Variants in ADAM23 observed in about 807,000 individuals in gnomAD.
ADAM23 encodes the protein ADAM metallopeptidase domain 23.
A neutral mutation model predicts 120.1 loss-of-function variants in ADAM23; 33 were observed. The ratio of observed to expected loss-of-function variants is 0.27; its 90% CI spans 0.21 to 0.37. The LOEUF is 0.37. ADAM23 is among the 10% of genes least tolerant of loss of function. The pLI is 1.00. For synonymous variants in ADAM23, 367 were observed against 375.2 expected, an observed-to-expected ratio of 0.98 and a Z score of 0.25; for missense variants, 862 against 1,058.2, an observed-to-expected ratio of 0.81 and a Z score of 2.57.
intron 20 of ADAM23, 123 bp downstream of exon 20, chr2:206,588,277 G>A: frequency 9.7e-7 from 1 of 1,029,434 alleles, no homozygotes; most frequent in East Asian, 2.6e-5. Context: ...ATCTAGAAAG[G>A]ATGAGAATAA....
At chr2:206,502,469 ATCGAC>A (rs1171713629) in intron 3 of ADAM23, among the ~76,000 whole-genome samples, 1 of 152,098 alleles carries the variant, frequency 6.6e-6, no homozygotes, top group Non-Finnish European at 1.5e-5. Flanking sequence ...GTATTTTTCC[ATCGAC>A]TTTGAAGAAC....
chr2:206,602,438 A>G (rs947845179), intron 24 of ADAM23, among the ~76,000 whole-genome samples: 7 of 152,180 alleles, frequency 4.6e-5, no homozygotes, highest in African/African-American at 7.2e-5. Context: ...CTACATACCA[A>G]TATTATACAC....
At chr2:206,483,569 A>T (rs1196178385) in intron 3 of ADAM23, among the ~76,000 whole-genome samples, 2 of 152,140 alleles carry the variant, frequency 1.3e-5, no homozygotes, top group Non-Finnish European at 2.9e-5. Flanking sequence ...AAGAGGAGGC[A>T]CCCATGAAGG....
At chr2:206,543,981 A>G (rs1290496106) in intron 6 of ADAM23, among the ~76,000 whole-genome samples, 2 of 152,230 alleles carry the variant, frequency 1.3e-5, no homozygotes, top group Non-Finnish European at 1.5e-5. Context: ...GGCTCGGGAA[A>G]GTGGAAGGTG....
At chr2:206,466,837 C>T (rs1322474003) in intron 2 of ADAM23, among the ~76,000 whole-genome samples, 2 of 152,196 alleles carry the variant, frequency 1.3e-5, no homozygotes, top group Non-Finnish European at 2.9e-5. Flanking sequence ...GCAGGCTATA[C>T]AGGAGGCATG....
In ADAM23 at chr2:206,548,294, T is replaced by A. The variant is rs1271332254; in HGVS notation, c.807T>A (p.Gly269=). ...KQMKNLTMER[G]DQWPFLSELQ... is the part of the protein sequence containing the mutation. ...TCCTTTCTGCAGCTATGGAAAGAGG[T>A]GACCAGTGGCCCTTTCTCTCTGAAT... Residue 269 remains glycine (G), a synonymous_variant, in exon 8 of 26, where the codon GGT becomes GGA. Transcript: ENST00000264377. 9 of 1,612,410 alleles carry A rather than the reference T, an allele frequency of 5.6e-6. No individual in the cohort carries two copies. Among genetic ancestry groups the A allele is most frequent in the Non-Finnish European group, 7.6e-6 (9 of 1,179,928 alleles).
At chr2:206,535,313 G>T (rs1015698511) in intron 4 of ADAM23, among the ~76,000 whole-genome samples, 1 of 152,196 alleles carries the variant, frequency 6.6e-6, no homozygotes, top group African/African-American at 2.4e-5. Flanking sequence ...AACAAGTGCT[G>T]TCGAGATTGT....
intron 24 of ADAM23, among the ~76,000 whole-genome samples, chr2:206,604,723 A>T (rs1698699552): frequency 6.6e-6 from 1 of 152,164 alleles, no homozygotes; most frequent in Admixed American, 6.5e-5. Context: ...ATTTAGCTAA[A>T]AATGTCAGTG....
At chr2:206,445,251 G>A in intron 1 of ADAM23, 56 bp from the exon 2 acceptor site, 1 of 1,241,744 alleles carries the variant, frequency 8.1e-7, no homozygotes, top group Non-Finnish European at 1.2e-6. Context: ...GGGTAAATAT[G>A]TGTGTGTTTG....
intron 4 of ADAM23, among the ~76,000 whole-genome samples, chr2:206,533,562 C>G (rs1697114899): frequency 6.6e-6 from 1 of 152,146 alleles, no homozygotes; most frequent in South Asian, 2.1e-4. Context: ...CACATGTAGA[C>G]ACACAATATT....
At chr2:206,597,455 C>T (rs971707495) in intron 24 of ADAM23, among the ~76,000 whole-genome samples, 10 of 151,988 alleles carry the variant, frequency 6.6e-5, no homozygotes, top group African/African-American at 7.3e-5. Context: ...TGTGAGCTAC[C>T]GCGCCTGGCC....
At chr2:206,580,969 C>T (rs1252621912) in intron 18 of ADAM23, among the ~76,000 whole-genome samples, 2 of 152,048 alleles carry the variant, frequency 1.3e-5, no homozygotes, top group South Asian at 2.1e-4. Context: ...AGGAATTTAT[C>T]CATCCCTTCT....
chr2:206,480,331 G>A (rs570344446), intron 2 of ADAM23, among the ~76,000 whole-genome samples: 2 of 152,242 alleles, frequency 1.3e-5, no homozygotes, highest in African/African-American at 4.8e-5. Flanking sequence ...TCATGCTGGT[G>A]TCCAGTTACC....
Position 206,530,917 on chromosome 2 carries a change from A to G in ADAM23, c.542A>G (p.His181Arg), listed in dbSNP as rs753424210. Residue 181 changes from histidine to arginine, a missense_variant, in exon 4 of 26, where the codon CAC becomes CGC. His to Arg is a conservative substitution (Grantham distance 29). Around this residue, in one of 4 missense-constraint regions of ADAM23, gnomAD observed 617 missense variants for 813.5 expected, o/e 0.76. Coordinates refer to ENST00000264377, the MANE Select transcript of ADAM23 (RefSeq NM_003812.4). ...TTGTCTTCTGATTATGTGGAGATTC[A>G]CTACGAAAATGGGAAACCACAGTAC... ...GLLSSDYVEI[H>R]YENGKPQYSK... 8.7e-6 allele frequency: 14 copies of G among 1,613,880 alleles called. No homozygotes were observed. The highest frequency in any genetic ancestry group is 5.1e-6 in the Non-Finnish European group (6 of 1,179,932).
rs371902917 is a variant in ADAM23, at chr2:206,588,055, A to C, written c.1789-36A>C. ...TAAAAACATTGGGGAAGACAAACTG[A>C]CTCTGTGTGCCTCACATGTGTGCTC... On this transcript the variant is annotated intron_variant, in intron 19 of 25. Coordinates refer to ENST00000264377, the MANE Select transcript of ADAM23 (RefSeq NM_003812.4). 8.1e-6 allele frequency: 13 copies of C among 1,610,808 alleles called. No homozygotes were observed. The African/African-American group carries it at 1.6e-4, about 20-fold the overall frequency.
chr2:206,476,655 G>A (rs190117262), intron 2 of ADAM23, among the ~76,000 whole-genome samples: 8 of 152,236 alleles, frequency 5.3e-5, no homozygotes, highest in Admixed American at 2.0e-4. Context: ...ATTATCTTCC[G>A]TGAAACTGGA....
At chr2:206,488,656 C>T (rs1259447481) in intron 3 of ADAM23, among the ~76,000 whole-genome samples, 2 of 152,146 alleles carry the variant, frequency 1.3e-5, no homozygotes, top group Non-Finnish European at 2.9e-5. Context: ...GGGGCAGTAA[C>T]ACTTTACTAC....
intron 15 of ADAM23, among the ~76,000 whole-genome samples, chr2:206,569,638 C>T (rs1697956880): frequency 6.6e-6 from 1 of 152,158 alleles, no homozygotes; most frequent in African/African-American, 2.4e-5. Flanking sequence ...GTATAAAGTG[C>T]AGGCCATGTT....
chr2:206,543,379 A>G (rs1697332209), intron 6 of ADAM23, 63 bp downstream of exon 6: 1 of 1,296,134 alleles, frequency 7.7e-7, no homozygotes, highest in Non-Finnish European at 1.1e-6. Flanking sequence ...GTCTTTGAGA[A>G]GAAAAGAGAA....
Sources: gnomAD v4.1 joint callset for allele counts (sites outside exome capture counted in the v4.1 genomes callset) on GRCh38, gnomAD v4.1.1 for gene constraint, gnomAD v4.1.1 regional missense constraint, MANE v1.5 for transcripts, NCBI Gene and HGNC (gene_info 2026-07-23, HGNC 2026-07-21) for gene names.